Variants in ITGA8 observed in about 807,000 individuals in gnomAD.
ITGA8 encodes the protein integrin subunit alpha 8, also known as integrin alpha-8.
A neutral mutation model predicts 142.3 loss-of-function variants in ITGA8; 91 were observed. The observed-to-expected ratio is 0.64, with a 90% CI of 0.54 to 0.76. The LOEUF (loss-of-function observed/expected upper bound fraction) is 0.76, where lower values mean the gene tolerates loss of function less well. Ranked by LOEUF, ITGA8 falls within the 30% of genes least tolerant of loss-of-function variation. ITGA8 has a pLI of 0.00. For synonymous variants in ITGA8, 505 were observed against 485.2 expected (o/e 1.04, Z -0.54); for missense variants, 1,406 against 1,327.7 (o/e 1.06, Z -0.92).
At chr10:15,628,288 C>A (rs1262219049) in intron 13 of ITGA8, among the ~76,000 whole-genome samples, 1 of 147,670 alleles carries the variant, frequency 6.8e-6, no homozygotes, top group Non-Finnish European at 1.5e-5. Context: ...TAATAAACTT[C>A]CTTTCACTTT....
At chr10:15,669,963 G>A (rs980169292) in intron 8 of ITGA8, among the ~76,000 whole-genome samples, 2 of 152,142 alleles carry the variant, frequency 1.3e-5, no homozygotes, top group Non-Finnish European at 2.9e-5. Flanking sequence ...AGGGGTCAGG[G>A]ACCCACTTGA....
chr10:15,620,920 A>G (rs1833479674), intron 13 of ITGA8, among the ~76,000 whole-genome samples: 1 of 152,256 alleles, frequency 6.6e-6, no homozygotes, highest in African/African-American at 2.4e-5. Context: ...AATAATACTC[A>G]GAAATAATAT....
At chr10:15,517,860 A>G (rs1006673393) in intron 29 of ITGA8, among the ~76,000 whole-genome samples, 7 of 152,238 alleles carry the variant, frequency 4.6e-5, no homozygotes, top group African/African-American at 1.7e-4. Context: ...GATCACAGCA[A>G]TGTGTCCCAA....
chr10:15,709,969 T>A (rs1467245505), intron 2 of ITGA8, among the ~76,000 whole-genome samples: 2 of 152,330 alleles, frequency 1.3e-5, no homozygotes, highest in South Asian at 2.1e-4. Context: ...AGGGAACAAC[T>A]AAGATGCCAT....
At chr10:15,564,079 A>G (rs536281333) in intron 25 of ITGA8, among the ~76,000 whole-genome samples, 228 of 152,300 alleles carry the variant, frequency 1.5e-3, no homozygotes, top group African/African-American at 5.2e-3. Flanking sequence ...CACAGGGCTT[A>G]CTTTGAGCTA....
intron 28 of ITGA8, among the ~76,000 whole-genome samples, chr10:15,522,319 C>T (rs1452007261): frequency 1.3e-5 from 2 of 152,210 alleles, no homozygotes; most frequent in African/African-American, 4.8e-5. Context: ...CTTCCTTAGT[C>T]AATTACACCT....
chr10:15,618,947 G>C (rs1467228113), intron 13 of ITGA8, among the ~76,000 whole-genome samples: 1 of 152,210 alleles, frequency 6.6e-6, no homozygotes, highest in Non-Finnish European at 1.5e-5. Context: ...TGAACAGAGA[G>C]AGACTGCAGA....
At chr10:15,570,013 T>A (rs1564356367) in intron 25 of ITGA8, among the ~76,000 whole-genome samples, 1 of 152,220 alleles carries the variant, frequency 6.6e-6, no homozygotes. Context: ...CTCTTGATTA[T>A]CTGTTTTTTA....
At chr10:15,684,831 A>G (rs549383756) in intron 3 of ITGA8, among the ~76,000 whole-genome samples, 1 of 152,210 alleles carries the variant, frequency 6.6e-6, no homozygotes, top group South Asian at 2.1e-4. Flanking sequence ...TTATGAGAAC[A>G]AGTTCCTTTC....
chr10:15,554,740 TTTCTTTC>T (rs1390966809), intron 26 of ITGA8, among the ~76,000 whole-genome samples: 11 of 150,572 alleles, frequency 7.3e-5, no homozygotes, highest in Non-Finnish European at 1.2e-4. Context: ...TCTTTCTTTC[TTTCTTTC>T]TTTTTTTTTT....
intron 6 of ITGA8, among the ~76,000 whole-genome samples, chr10:15,676,511 G>A (rs1289069428): frequency 6.6e-6 from 1 of 151,900 alleles, no homozygotes; most frequent in East Asian, 1.9e-4. Flanking sequence ...TATCACAGTT[G>A]GGGTTTCTTG....
chr10:15,711,249 A>G (rs181571572), intron 2 of ITGA8, among the ~76,000 whole-genome samples: 23 of 152,284 alleles, frequency 1.5e-4, no homozygotes, highest in African/African-American at 4.6e-4. Flanking sequence ...AAGAATGTTG[A>G]AGAAGTTCCT....
At position 15,596,125 on chromosome 10, in the gene ITGA8, G is replaced by A. The variant is rs1385326864; in HGVS notation, c.2211+1082C>T. On this transcript the variant is annotated intron_variant, in intron 21 of 29. Coordinates refer to ENST00000378076, the MANE Select transcript of ITGA8 (RefSeq NM_003638.3). ...ACGATTCATTACCTTCCAGATAAAA[G>A]GACTATGATAGTGAAAAATGTTCTA... 3.9e-5 allele frequency among the ~76,000 whole-genome samples: 6 copies of A among 152,160 alleles called. No homozygotes were observed. The South Asian group carries it at 1.2e-3, about 32-fold the overall frequency.
chr10:15,657,509 C>CTTTTTTTTTTTTTT lies in ITGA8; in HGVS notation c.948+1489_948+1490insAAAAAAAAAAAAAA, dbSNP rs534714654. On this transcript the variant is annotated intron_variant, in intron 10 of 29. Coordinates refer to ENST00000378076, the MANE Select transcript of ITGA8 (RefSeq NM_003638.3). The stretch of plus-strand genomic sequence containing the variant: ...CTGCTGGTTTCTTTTTCTTTTCTTT[C>CTTTTTTTTTTTTTT]ATTTTTTTTTTTTTTTTTTTTTAAC... Among the ~76,000 whole-genome samples the CTTTTTTTTTTTTTT allele has an allele frequency of 1.2e-3, 136 of 116,426 alleles. 6 individuals carry two copies. The highest frequency in any genetic ancestry group is 1.4e-3 in the East Asian group (6 of 4,204). The allele number at this position is 116,426 out of a possible 152,430, so 76.4% of individuals were successfully genotyped here.
rs574570797 is a variant in ITGA8, at chr10:15,582,815, A to G, written c.2372+3769T>C. Among the ~76,000 whole-genome samples the G allele has an allele frequency of 5.8e-4, 88 of 152,380 alleles. 1 individual carries two copies. Among genetic ancestry groups the G allele is most frequent in the Non-Finnish European group, 9.1e-4 (62 of 68,038 alleles). ...TGGTGCATGACTGCAACTCTCATGC[A>G]TGGTTGGTGGGAATGAAGAATGGAA... On this transcript the variant is annotated intron_variant, in intron 23 of 29. Coordinates refer to ENST00000378076, the MANE Select transcript of ITGA8 (RefSeq NM_003638.3).
intron 13 of ITGA8, among the ~76,000 whole-genome samples, chr10:15,617,231 CA>C (rs1833410084): frequency 6.6e-6 from 1 of 152,100 alleles, no homozygotes; most frequent in Non-Finnish European, 1.5e-5. Flanking sequence ...CACAATTTTG[CA>C]AATGAGTCAA....
intron 25 of ITGA8, among the ~76,000 whole-genome samples, chr10:15,570,610 C>CA (rs931457896): frequency 0.15 from 5,833 of 38,458 alleles, 352 homozygotes; most frequent in African/African-American, 0.19. Context: ...AACTCCATCT[C>CA]AAAAAAAAAA....
intron 11 of ITGA8, among the ~76,000 whole-genome samples, chr10:15,649,302 T>G (rs1834043350): frequency 6.6e-6 from 1 of 151,908 alleles, no homozygotes. Flanking sequence ...CAATATTACA[T>G]GTACATGATA....
At chr10:15,659,212 TAA>T (rs5783462) in intron 9 of ITGA8, among the ~76,000 whole-genome samples, 157 bp from the exon 10 acceptor site, 4 of 150,128 alleles carry the variant, frequency 2.7e-5, no homozygotes, top group South Asian at 2.1e-4. Flanking sequence ...TGATCTTATT[TAA>T]AAAAAAAAAG....
Sources: gnomAD v4.1 joint callset for allele counts (sites outside exome capture counted in the v4.1 genomes callset) on GRCh38, gnomAD v4.1.1 for gene constraint, MANE v1.5 for transcripts, NCBI Gene and HGNC (gene_info 2026-07-23, HGNC 2026-07-21) for gene names.